The following WEE2 variants were observed in gnomAD, a reference collection of about 807,000 sequenced individuals.
WEE2 encodes the protein wee1-like protein kinase 2.
A neutral mutation model predicts 60.1 loss-of-function variants in WEE2; 50 were observed. The ratio of observed to expected loss-of-function variants is 0.83; its 90% CI spans 0.66 to 1.05. The LOEUF (loss-of-function observed/expected upper bound fraction) is 1.05, where lower values mean the gene tolerates loss of function less well. Ranked by LOEUF, WEE2 falls within the 50% of genes least tolerant of loss-of-function variation. WEE2 has a pLI of 0.00. For synonymous variants in WEE2, 240 were observed against 241.0 expected, an observed-to-expected ratio of 1.00 and a Z score of 0.04; for missense variants, 631 against 684.3, an observed-to-expected ratio of 0.92 and a Z score of 0.87.
intron 1 of WEE2, among the ~76,000 whole-genome samples, chr7:141,713,775 C>T (rs1038234081): frequency 1.3e-5 from 2 of 152,184 alleles, no homozygotes; most frequent in African/African-American, 4.8e-5. Flanking sequence ...TGGCATCTAA[C>T]CCAGCATCTG....
Position 141,725,155 on chromosome 7 carries a change from G to A in WEE2, c.1351G>A (p.Val451Ile), listed in dbSNP as rs956821646. Residue 451 changes from valine (V) to isoleucine (I), a missense_variant, in exon 9 of 12, where the codon GTT becomes ATT. Physicochemically the swap from Val to Ile is conservative, Grantham distance 29. Coordinates refer to ENST00000397541, the MANE Select transcript of WEE2 (RefSeq NM_001105558.1). ...HHIRKGNFPD[V>I]PQELSESFSS... ...TATCCGCAAGGGTAACTTTCCGGAC[G>A]TTCCTCAGGAGCTCTCAGAAAGCTT... 53 of 1,614,052 alleles carry A rather than the reference G, an allele frequency of 3.3e-5. 1 individual carries two copies. Among genetic ancestry groups the A allele is most frequent in the East Asian group, 2.4e-4 (11 of 44,898 alleles).
chr7:141,723,000 G>C (rs1417173886), intron 5 of WEE2, 134 bp from the exon 6 acceptor site: 1 of 1,098,188 alleles, frequency 9.1e-7, no homozygotes. Flanking sequence ...CAAGGCTCTT[G>C]GGCATTTGGG....
Position 141,711,673 on chromosome 7 carries a change from A to C in WEE2, c.343-2536A>C, listed in dbSNP as rs1404676320. On this transcript the variant is annotated intron_variant, in intron 1 of 11. Transcript: ENST00000397541. This position sits in a 1 kb window ranked among gnomAD's most constrained non-coding sequence, Gnocchi z 4.2. ...GACCACTTGGTAGAAATACTGCAGA[A>C]GGGATTTGTTAGTCTGTTTGCCTTG... 6.6e-6 allele frequency: 1 copy of C among 152,236 alleles called. No individual in the cohort carries two copies. The highest frequency in any genetic ancestry group is 1.5e-5 in the Non-Finnish European group (1 of 68,052). 9.4% of individuals were successfully genotyped at this position (152,236 alleles called of 1,614,324 possible).
chr7:141,708,730 T>G lies in WEE2; in HGVS notation c.-29T>G, dbSNP rs1798660355. The G allele has an allele frequency of 6.3e-7, 1 of 1,576,644 alleles. No homozygotes were observed. The highest frequency in any genetic ancestry group is 1.7e-5 in the Admixed American group (1 of 57,680). Reference sequence around the variant, plus strand: ...AGCGTTCCCTTCTGATAGAGCTTTTTGTCTGTGTTGTAAAGCTCTTTGGCT... The same window carrying G: ...AGCGTTCCCTTCTGATAGAGCTTTTGGTCTGTGTTGTAAAGCTCTTTGGCT... On this transcript the variant is annotated 5_prime_UTR_variant, in exon 1 of 12. Coordinates refer to ENST00000397541, the MANE Select transcript of WEE2 (RefSeq NM_001105558.1).
In WEE2 at chr7:141,708,853, A is replaced by G; in HGVS notation, c.95A>G (p.Glu32Gly). 6.2e-7 allele frequency: 1 copy of G among 1,614,206 alleles called. No homozygotes were observed. Among genetic ancestry groups the G allele is most frequent in the Non-Finnish European group, 8.5e-7 (1 of 1,180,032 alleles). Reference protein sequence around the residue: ...TEIEGQKKVEESREASSQTPE... With the variant: ...TEIEGQKKVEGSREASSQTPE... Reference sequence around the variant, plus strand: ...ATTGAAGGGCAGAAGAAAGTAGAAGAAAGCAGGGAGGCTTCGAGCCAAACC... The same window carrying G: ...ATTGAAGGGCAGAAGAAAGTAGAAGGAAGCAGGGAGGCTTCGAGCCAAACC... Residue 32 changes from glutamate to glycine, a missense_variant, in exon 1 of 12, where the codon GAA becomes GGA. Coordinates refer to ENST00000397541, the MANE Select transcript of WEE2 (RefSeq NM_001105558.1).
chr7:141,724,344 A>C, intron 8 of WEE2, 69 bp downstream of exon 8: 1 of 1,356,836 alleles, frequency 7.4e-7, no homozygotes. Flanking sequence ...GGAGGATCTC[A>C]GTGCAAAAAA....
chr7:141,710,897 A>AT (rs1045232214), intron 1 of WEE2, among the ~76,000 whole-genome samples: 1 of 152,080 alleles, frequency 6.6e-6, no homozygotes, highest in African/African-American at 2.4e-5. Flanking sequence ...GAGTAGAGGG[A>AT]TTTTTTTGGA....
rs1408514461 is a variant in WEE2, at chr7:141,725,177, G to A, written c.1373G>A (p.Ser458Asn). Residue 458 changes from serine (S) to asparagine (N), a missense_variant, in exon 9 of 12, where the codon AGC (serine) becomes AAC (asparagine). Ser to Asn is a conservative substitution (Grantham distance 46). Transcript: ENST00000397541. The part of the protein sequence containing the change: ...FPDVPQELSE[S>N]FSSLLKNMIQ... ...GACGTTCCTCAGGAGCTCTCAGAAA[G>A]CTTTTCCAGTCTGCTCAAGGTGATA... The A allele has an allele frequency of 1.2e-6, 2 of 1,613,930 alleles. No homozygotes were observed. Among genetic ancestry groups the A allele is most frequent in the African/African-American group, 2.7e-5 (2 of 74,938 alleles).
intron 11 of WEE2, 132 bp downstream of exon 11, chr7:141,729,805 G>A (rs1200986585): frequency 1.5e-5 from 16 of 1,041,128 alleles, no homozygotes; most frequent in Middle Eastern, 6.4e-4. Flanking sequence ...TGGCTAACAC[G>A]GTGAAACCCC....
chr7:141,718,189 GT>G (rs1211617429), intron 3 of WEE2, among the ~76,000 whole-genome samples: 2 of 152,088 alleles, frequency 1.3e-5, no homozygotes, highest in African/African-American at 2.4e-5. Flanking sequence ...AACTCATAAA[GT>G]TGGAGAAAAA....
At chr7:141,714,681 G>A (rs1798767807) in intron 2 of WEE2, among the ~76,000 whole-genome samples, 2 of 152,230 alleles carry the variant, frequency 1.3e-5, no homozygotes, top group African/African-American at 4.8e-5. Flanking sequence ...AGGAAGTTGA[G>A]TGGGCTATGG....
chr7:141,724,098 T>C (rs768605870), intron 7 of WEE2, 50 bp downstream of exon 7: 90 of 1,569,832 alleles, frequency 5.7e-5, no homozygotes, highest in Non-Finnish European at 7.1e-5. Context: ...ATAAAATTTA[T>C]AGTGATGACT....
intron 10 of WEE2, chr7:141,727,993 T>C (rs1419824661): frequency 6.6e-6 from 1 of 152,576 alleles, no homozygotes; most frequent in African/African-American, 2.4e-5. Flanking sequence ...AATACTTACC[T>C]GGCAGGGAAG....
At chr7:141,716,323 T>C in intron 3 of WEE2, 56 bp downstream of exon 3, 11 of 1,533,314 alleles carry the variant, frequency 7.2e-6, no homozygotes, top group Non-Finnish European at 9.8e-6. Flanking sequence ...TCCTATTCTT[T>C]CTCTTCTTCC....
chr7:141,730,191 A>G, intron 11 of WEE2, 104 bp from the exon 12 acceptor site: 1 of 1,006,542 alleles, frequency 9.9e-7, no homozygotes, highest in Non-Finnish European at 1.5e-6. Flanking sequence ...TGTCTTCTCA[A>G]GGGTCCCAGA....
intron 9 of WEE2, among the ~76,000 whole-genome samples, chr7:141,725,589 C>T (rs943090627): frequency 1.4e-5 from 2 of 146,552 alleles, no homozygotes; most frequent in South Asian, 4.3e-4. Context: ...CGTGCCACTG[C>T]ACTCCAGCCT....
rs780073325 is a variant in WEE2, at chr7:141,729,565, C to G, written c.1570C>G (p.Gln524Glu). ...AGAAGCCCAGCAGGCCCAGTCACCCCAGGGATATACCCATCATGGTGACAC... is the reference window on the plus strand; with the variant it reads ...AGAAGCCCAGCAGGCCCAGTCACCCGAGGGATATACCCATCATGGTGACAC... Reference protein sequence around the residue: ...LREAQQAQSPQGYTHHGDTGV... With the variant: ...LREAQQAQSPEGYTHHGDTGV... The change falls in exon 11 of 12, where the codon CAG becomes GAG. Residue 524 changes from glutamine to glutamate, a missense_variant. By Grantham distance (29) the Gln-to-Glu change is conservative. Transcript: ENST00000397541. The G allele has an allele frequency of 4.3e-6, 7 of 1,614,222 alleles. No homozygotes were observed. Among genetic ancestry groups the G allele is most frequent in the Non-Finnish European group, 5.9e-6 (7 of 1,180,046 alleles).
rs761547469 is a variant in WEE2, at chr7:141,723,329, T to C, written c.1027+49T>C. The C allele has an allele frequency of 8.2e-6, 13 of 1,589,416 alleles. No homozygotes were observed. The Admixed American group carries it at 1.4e-4, about 17-fold the overall frequency. On this transcript the variant is annotated intron_variant, in intron 6 of 11. Coordinates refer to ENST00000397541, the MANE Select transcript of WEE2 (RefSeq NM_001105558.1). ...CTTCTACCGTATTTTGTTCTTTCTATGCTATCATCAAAATCTAGGTCTGTA... is the reference window on the plus strand; with the variant it reads ...CTTCTACCGTATTTTGTTCTTTCTACGCTATCATCAAAATCTAGGTCTGTA...
At chr7:141,722,399 C>T (rs922481853) in intron 5 of WEE2, among the ~76,000 whole-genome samples, 19 of 151,468 alleles carry the variant, frequency 1.3e-4, no homozygotes, top group Admixed American at 2.6e-4. Flanking sequence ...AGTGAGACTC[C>T]GTCTCAAAAA....
Sources: gnomAD v4.1 joint callset for allele counts (sites outside exome capture counted in the v4.1 genomes callset) on GRCh38, gnomAD v4.1.1 for gene constraint, Gnocchi (gnomAD v3.1) non-coding constraint, MANE v1.5 for transcripts, NCBI Gene and HGNC (gene_info 2026-07-23, HGNC 2026-07-21) for gene names.